TFEC: variants seen among roughly 807,000 people sequenced by gnomAD.
TFEC encodes transcription factor EC, also known as class E basic helix-loop-helix protein 34.
TFEC carries 31 observed loss-of-function variants against 41.6 expected under a neutral mutation model. The observed-to-expected ratio is 0.74, with a 90% confidence interval of 0.56 to 1.01. The LOEUF is 1.01. Ranked by LOEUF, TFEC falls within the 50% of genes least tolerant of loss-of-function variation. TFEC has a pLI of 0.00. For synonymous variants in TFEC, 143 were observed against 140.6 expected (o/e 1.02, Z -0.12); for missense variants, 402 against 404.1 (o/e 0.99, Z 0.04).
At chr7:116,110,080 G>GT (rs1797817303) in intron 3 of TFEC, among the ~76,000 whole-genome samples, 1 of 152,170 alleles carries the variant, frequency 6.6e-6, no homozygotes, top group African/African-American at 2.4e-5. Flanking sequence ...CTGTCATGGA[G>GT]TGGGGGGAAG....
intron 1 of TFEC, among the ~76,000 whole-genome samples, chr7:116,003,573 T>C (rs1794679901): frequency 6.6e-6 from 1 of 152,118 alleles, no homozygotes; most frequent in African/African-American, 2.4e-5. Flanking sequence ...CAGAAATGAT[T>C]GAATCCGACA....
chr7:116,013,280 T>G lies in TFEC; in HGVS notation c.-73+17353A>C, dbSNP rs146260599. ...TTGGCATCTACATCAATCAAATTCC[T>G]CAAGTACTGTGCTTCTGTGTAGGAA... On this transcript the variant is annotated intron_variant, in intron 1 of 7. Transcript: ENST00000265440. 1.5e-4 allele frequency among the ~76,000 whole-genome samples: 23 copies of G among 152,290 alleles called. 1 individual carries two copies. The East Asian group carries it at 4.4e-3, about 29-fold the overall frequency.
At chr7:115,948,449 A>T (rs1046711363) in intron 6 of TFEC, among the ~76,000 whole-genome samples, 6 of 152,208 alleles carry the variant, frequency 3.9e-5, no homozygotes, top group African/African-American at 1.4e-4. Context: ...AAAATCCTCA[A>T]TAAAATACTG....
intron 1 of TFEC, among the ~76,000 whole-genome samples, chr7:116,012,601 C>T (rs1033433835): frequency 6.6e-6 from 1 of 151,964 alleles, no homozygotes. Context: ...GGGATAAAAA[C>T]CCAAAACTTA....
At chr7:116,058,540 CT>C (rs1346364025) in intron 3 of TFEC, among the ~76,000 whole-genome samples, 2 of 151,466 alleles carry the variant, frequency 1.3e-5, no homozygotes, top group African/African-American at 2.4e-5. Flanking sequence ...TATCAACAAC[CT>C]GACCTAATTG....
intron 3 of TFEC, among the ~76,000 whole-genome samples, chr7:116,073,289 GT>G (rs1310880052): frequency 1.3e-5 from 2 of 151,694 alleles, no homozygotes; most frequent in Admixed American, 6.6e-5. Flanking sequence ...AGAAATGCAA[GT>G]TTGTATTCTA....
intron 3 of TFEC, among the ~76,000 whole-genome samples, chr7:116,089,364 A>G (rs898382714): frequency 4.6e-5 from 7 of 152,076 alleles, no homozygotes; most frequent in African/African-American, 1.4e-4. Flanking sequence ...AGAATGACAA[A>G]ATTGGAGATC....
intron 1 of TFEC, among the ~76,000 whole-genome samples, chr7:116,146,226 G>C (rs1301030476): frequency 6.6e-6 from 1 of 152,164 alleles, no homozygotes; most frequent in African/African-American, 2.4e-5. Flanking sequence ...AATTTGCCCG[G>C]TACTGCTTGC....
At chr7:116,061,034 T>A (rs1796544220) in intron 3 of TFEC, among the ~76,000 whole-genome samples, 1 of 152,074 alleles carries the variant, frequency 6.6e-6, no homozygotes, top group Non-Finnish European at 1.5e-5. Flanking sequence ...TACTAAGATG[T>A]CAAAAAATTC....
At chr7:115,949,168 A>C (rs1791784779) in intron 6 of TFEC, among the ~76,000 whole-genome samples, 1 of 152,132 alleles carries the variant, frequency 6.6e-6, no homozygotes, top group Non-Finnish European at 1.5e-5. Context: ...CTTCAAGGAG[A>C]ACTACAAACA....
At chr7:116,074,227 C>T (rs1387538250) in intron 3 of TFEC, among the ~76,000 whole-genome samples, 1 of 150,464 alleles carries the variant, frequency 6.6e-6, no homozygotes, top group African/African-American at 2.4e-5. Flanking sequence ...TGCATGCATA[C>T]ACACACACAC....
At position 115,935,532 on chromosome 7, in the gene TFEC, T is replaced by G. The variant is rs1221097307; in HGVS notation, c.*5019A>C. On this transcript the variant is annotated 3_prime_UTR_variant, in exon 8 of 8. Coordinates refer to ENST00000265440, the MANE Select transcript of TFEC (RefSeq NM_012252.4). Reference sequence around the variant, plus strand: ...TGCTGTTAGATAAGATTCTTGAATTTCGTTTGCTTTTAAAATTCAGTATCA... The same window carrying G: ...TGCTGTTAGATAAGATTCTTGAATTGCGTTTGCTTTTAAAATTCAGTATCA... The G allele has an allele frequency of 6.6e-6, 1 of 151,972 alleles. No homozygotes were observed. The allele number at this position is 151,972 out of a possible 1,614,324, so 9.4% of individuals were successfully genotyped here.
chr7:116,156,206 G>A (rs1798868213), intron 1 of TFEC, among the ~76,000 whole-genome samples: 1 of 152,138 alleles, frequency 6.6e-6, no homozygotes, highest in South Asian at 2.1e-4. Context: ...GACAGAAACA[G>A]CAGGAGGGAG....
At chr7:116,073,171 T>C (rs1159395846) in intron 3 of TFEC, among the ~76,000 whole-genome samples, 1 of 151,410 alleles carries the variant, frequency 6.6e-6, no homozygotes, top group Admixed American at 6.6e-5. Flanking sequence ...TAAACAAAAC[T>C]AATAAATTTC....
intron 3 of TFEC, among the ~76,000 whole-genome samples, chr7:116,107,610 A>G (rs987899817): frequency 1.2e-4 from 18 of 152,252 alleles, no homozygotes; most frequent in African/African-American, 4.1e-4. Flanking sequence ...GTCATCCCTG[A>G]TATCAGCTCT....
chr7:115,972,986 G>A (rs554153552), intron 3 of TFEC, among the ~76,000 whole-genome samples: 2 of 152,020 alleles, frequency 1.3e-5, no homozygotes, highest in South Asian at 4.2e-4. Flanking sequence ...GGAGATATTA[G>A]CATTAATATC....
At chr7:116,131,318 C>T (rs1798326715) in intron 1 of TFEC, among the ~76,000 whole-genome samples, 1 of 152,098 alleles carries the variant, frequency 6.6e-6, no homozygotes, top group Non-Finnish European at 1.5e-5. Context: ...GAACAGGGCA[C>T]AAAGACCAGC....
chr7:116,031,231 AT>A, upstream of TFEC, among the ~76,000 whole-genome samples: 1 of 151,978 alleles, frequency 6.6e-6, no homozygotes, highest in East Asian at 1.9e-4. Context: ...ATTTTCTATA[AT>A]TACATTTTTC....
rs139658178 is a variant in TFEC, at chr7:116,063,446, C to G, written c.198+47262G>C. On this transcript the variant is annotated intron_variant, in intron 3 of 8. Coordinates refer to the TFEC transcript ENST00000484212. Reference sequence around the variant, plus strand: ...AGCCTGGCCAACATGGTGAAACCCCCCTCTCCACTAAAAAATACAAAAATC... The same window carrying G: ...AGCCTGGCCAACATGGTGAAACCCCGCTCTCCACTAAAAAATACAAAAATC... Among the ~76,000 whole-genome samples the G allele has an allele frequency of 4.0e-3, 613 of 151,972 alleles. 5 individuals carry two copies. The highest frequency in any genetic ancestry group is 0.014 in the African/African-American group (581 of 41,442).
Sources: allele counts gnomAD v4.1 joint callset (sites outside exome capture counted in the v4.1 genomes callset), GRCh38; gene constraint gnomAD v4.1.1; transcripts MANE v1.5; gene names NCBI Gene and HGNC (gene_info 2026-07-23, HGNC 2026-07-21).